Variants in SEC22B observed in about 807,000 individuals in gnomAD.
The protein encoded by SEC22B is SEC22 homolog B, vesicle trafficking protein.
A neutral mutation model predicts 31.4 loss-of-function variants in SEC22B; 10 were observed. The ratio of observed to expected loss-of-function variants is 0.32; its 90% confidence interval spans 0.20 to 0.54. The LOEUF (loss-of-function observed/expected upper bound fraction) is 0.54, where lower values mean the gene tolerates loss of function less well. Ranked by LOEUF, SEC22B falls within the 20% of genes least tolerant of loss-of-function variation. The pLI, the probability that SEC22B is intolerant of heterozygous loss-of-function variation, is 0.94. For synonymous variants in SEC22B, 60 were observed against 95.9 expected, an observed-to-expected ratio of 0.63 and a Z score of 2.19; for missense variants, 130 against 263.4, an observed-to-expected ratio of 0.49 and a Z score of 3.50.
At position 120,176,518 on chromosome 1, in the gene SEC22B, G is replaced by A; in HGVS notation, c.-137C>T. ...TGCTTGCGTCTCCGCTTCCCGCTGA[G>A]GTGGCCGGAAACAGCGCAAGAGCTT... On this transcript the variant is annotated 5_prime_UTR_variant, in exon 1 of 5. Coordinates refer to ENST00000578049, the MANE Select transcript of SEC22B (RefSeq NM_004892.6). 9.0e-6 allele frequency: 7 copies of A among 776,648 alleles called. No individual in the cohort carries two copies. Among genetic ancestry groups the A allele is most frequent in the South Asian group, 5.1e-5 (3 of 58,648 alleles). The allele number at this position is 776,648 out of a possible 1,614,324, so 48.1% of individuals were successfully genotyped here. A position where few individuals can be genotyped will look rare whatever the true frequency, so the allele number is the denominator to read the frequency against.
intron 3 of SEC22B, among the ~76,000 whole-genome samples, chr1:120,160,830 A>G (rs1657703795): frequency 6.6e-6 from 1 of 151,662 alleles, no homozygotes; most frequent in South Asian, 2.1e-4. Flanking sequence ...CAGAGGTTGC[A>G]GTGAGCCGAG....
At chr1:120,173,084 G>A (rs1657916209) in intron 1 of SEC22B, among the ~76,000 whole-genome samples, 1 of 142,322 alleles carries the variant, frequency 7.0e-6, no homozygotes. Context: ...GCTGGTCAAA[G>A]ACCAGCAGCA....
chr1:120,157,327 T>C, intron 4 of SEC22B, 135 bp from the exon 5 acceptor site: 3 of 575,586 alleles, frequency 5.2e-6, no homozygotes, highest in South Asian at 4.9e-5. Flanking sequence ...AAGGCTAACA[T>C]TGCATATACT....
chr1:120,174,302 A>T (rs1327935972), intron 1 of SEC22B, among the ~76,000 whole-genome samples: 1 of 152,308 alleles, frequency 6.6e-6, no homozygotes. Flanking sequence ...TTTGGTATGT[A>T]GTAGGCGCTT....
At chr1:120,167,686 G>C (rs1657833514) in intron 2 of SEC22B, among the ~76,000 whole-genome samples, 2 of 151,648 alleles carry the variant, frequency 1.3e-5, no homozygotes, top group Non-Finnish European at 2.9e-5. Flanking sequence ...AAAAGGTATG[G>C]ACATTAAATG....
chr1:120,162,718 G>A (rs1214744768), intron 3 of SEC22B, among the ~76,000 whole-genome samples: 1 of 152,122 alleles, frequency 6.6e-6, no homozygotes, highest in Non-Finnish European at 1.5e-5. Context: ...CCAATACCAT[G>A]AGTACCAGGT....
At chr1:120,175,749 G>A (rs1221581947) in intron 1 of SEC22B, among the ~76,000 whole-genome samples, 1 of 152,152 alleles carries the variant, frequency 6.6e-6, no homozygotes, top group Admixed American at 6.6e-5. Flanking sequence ...AAAAAAATAA[G>A]TTACAATGTA....
At chr1:120,159,536 A>G (rs1363101517) in intron 4 of SEC22B, 84 of 148,526 alleles carry the variant, frequency 5.7e-4, no homozygotes, top group African/African-American at 1.9e-3. Context: ...AAATATATTT[A>G]ATATATATTA....
chr1:120,176,462 T>C lies in SEC22B; in HGVS notation c.-81A>G, dbSNP rs1397760769. ...ACTTCCTCCGCCGCGACAACAGTTA[T>C]ACCCTATGTCTCAGTTACCGGAGAT... On this transcript the variant is annotated 5_prime_UTR_variant, in exon 1 of 5. Transcript: ENST00000578049. 4.0e-6 allele frequency: 5 copies of C among 1,255,904 alleles called. No individual in the cohort carries two copies. The highest frequency in any genetic ancestry group is 1.1e-6 in the Non-Finnish European group (1 of 872,164). 77.8% of individuals were successfully genotyped at this position (1,255,904 alleles called of 1,614,324 possible). A position where few individuals can be genotyped will look rare whatever the true frequency, so the allele number is the denominator to read the frequency against.
In SEC22B at chr1:120,160,426, C is replaced by G; in HGVS notation, c.451G>C (p.Ala151Pro). ...CGTTGTAACACTTCTTCAATATTGGCCACCATGATCCTCTGCACATCTTGC... is the reference window on the plus strand; with the variant it reads ...CGTTGTAACACTTCTTCAATATTGGGCACCATGATCCTCTGCACATCTTGC... The part of the protein sequence containing the change: ...ELQDVQRIMV[A>P]NIEEVLQRGE... The change falls in exon 4 of 5, where the codon GCC becomes CCC. Residue 151 changes from alanine (A) to proline (P), a missense_variant. Ala to Pro is a conservative substitution (Grantham distance 27, BLOSUM62 -1). Transcript: ENST00000578049. 6.2e-7 allele frequency: 1 copy of G among 1,612,842 alleles called. No individual in the cohort carries two copies. Among genetic ancestry groups the G allele is most frequent in the Non-Finnish European group, 8.5e-7 (1 of 1,179,236 alleles).
chr1:120,162,603 C>T (rs1184279052), intron 3 of SEC22B, among the ~76,000 whole-genome samples: 13 of 151,534 alleles, frequency 8.6e-5, no homozygotes, highest in African/African-American at 2.9e-4. Context: ...GATCCCTTAC[C>T]ATCAGATACT....
chr1:120,161,492 G>A (rs1290751452), intron 3 of SEC22B, among the ~76,000 whole-genome samples: 12 of 152,180 alleles, frequency 7.9e-5, no homozygotes, highest in African/African-American at 2.9e-4. Flanking sequence ...CCAGGAATTC[G>A]AGACCAGCCT....
intron 1 of SEC22B, among the ~76,000 whole-genome samples, chr1:120,175,983 G>A (rs2101134104): frequency 6.6e-6 from 1 of 152,292 alleles, no homozygotes; most frequent in East Asian, 1.9e-4. Flanking sequence ...CCTATTAGCA[G>A]CAGAAAATTA....
rs1429080509 is a variant in SEC22B at position 120,151,677 on chromosome 1, A to G, written c.*5361T>C. The G allele has an allele frequency of 1.3e-5, 2 of 151,550 alleles. No individual in the cohort carries two copies. The highest frequency in any genetic ancestry group is 2.9e-5 in the Non-Finnish European group (2 of 67,980). The allele number at this position is 151,550 out of a possible 1,614,324, so 9.4% of individuals were successfully genotyped here. On this transcript the variant is annotated 3_prime_UTR_variant, in exon 5 of 5. Transcript: ENST00000578049. Reference sequence around the variant, plus strand: ...CAAGACTAAAAATAAAAATGAAAAAATTATTATCCATGGTATTATCATGGT... The same window carrying G: ...CAAGACTAAAAATAAAAATGAAAAAGTTATTATCCATGGTATTATCATGGT...
In SEC22B at chr1:120,160,570, A is replaced by G. The variant is rs1473003864; in HGVS notation, c.347-40T>C. 2.0e-3 allele frequency: 2,973 copies of G among 1,519,702 alleles called. 71 individuals are homozygous for G. In the South Asian group the frequency reaches 0.033, roughly 17 times the overall value. 94.1% of individuals were successfully genotyped at this position (1,519,702 alleles called of 1,614,324 possible). On this transcript the variant is annotated intron_variant, in intron 3 of 4. Coordinates refer to ENST00000578049, the MANE Select transcript of SEC22B (RefSeq NM_004892.6). ...AAAACTGACCATTTCTTTCATGGCC[A>G]TCAAAGTACTGAGGTAGGAGATTAA...
Position 120,151,360 on chromosome 1 carries a change from A to G in SEC22B, c.*5678T>C, listed in dbSNP as rs1479723638. ...AAGTATGTGATCTTTTATTCTAAAG[A>G]AAATGTAGTATGATTAGCACACACA... On this transcript the variant is annotated 3_prime_UTR_variant, in exon 5 of 5. Transcript: ENST00000578049. 6.6e-6 allele frequency: 1 copy of G among 152,296 alleles called. No individual in the cohort carries two copies. Among genetic ancestry groups the G allele is most frequent in the Non-Finnish European group, 1.5e-5 (1 of 68,076 alleles). 9.4% of individuals were successfully genotyped at this position (152,296 alleles called of 1,614,324 possible).
chr1:120,164,517 CA>C (rs1467844871), intron 2 of SEC22B, among the ~76,000 whole-genome samples: 4 of 146,718 alleles, frequency 2.7e-5, no homozygotes, highest in Non-Finnish European at 6.0e-5. Context: ...TGAGAATATA[CA>C]GTATTTAGTT....
At chr1:120,165,191 A>T (rs1162357434) in intron 2 of SEC22B, among the ~76,000 whole-genome samples, 3 of 152,112 alleles carry the variant, frequency 2.0e-5, no homozygotes, top group South Asian at 2.1e-4. Flanking sequence ...TAGCATACAC[A>T]TATTTAAACT....
rs1485160530 is a variant in SEC22B at position 120,176,410 on chromosome 1, G to T, written c.-29C>A. ...CACAAACTACAGGGATCCAACACTG[G>T]CCCGGAAGGCCCTTGGCGCCGTCCT... On this transcript the variant is annotated 5_prime_UTR_variant, in exon 1 of 5. Coordinates refer to ENST00000578049, the MANE Select transcript of SEC22B (RefSeq NM_004892.6). 3.1e-6 allele frequency: 5 copies of T among 1,602,712 alleles called. No homozygotes were observed. Among genetic ancestry groups the T allele is most frequent in the Non-Finnish European group, 4.3e-6 (5 of 1,170,962 alleles).
Sources: allele counts gnomAD v4.1 joint callset (sites outside exome capture counted in the v4.1 genomes callset), GRCh38; gene constraint gnomAD v4.1.1; transcripts MANE v1.5; gene names NCBI Gene and HGNC (gene_info 2026-07-23, HGNC 2026-07-21).